OR10R2: variants seen among roughly 807,000 people sequenced by gnomAD.
OR10R2 encodes the protein olfactory receptor 10R2.
In OR10R2, 1 loss-of-function variant was observed where a neutral mutation model predicts 2.4. The ratio of observed to expected loss-of-function variants is 0.41; its 90% CI spans 0.15 to 1.95. OR10R2 has a LOEUF of 1.95. Ranked by LOEUF, OR10R2 falls within the 30% of genes most tolerant of loss-of-function variation. The pLI, the probability that OR10R2 is intolerant of heterozygous loss-of-function variation, is 0.30. For missense variants in OR10R2, 419 were observed against 373.0 expected, an observed-to-expected ratio of 1.12 and a Z score of -1.01; for synonymous variants, 166 against 144.8, an observed-to-expected ratio of 1.15 and a Z score of -1.05.
Position 158,480,761 on chromosome 1 carries a change from CG to C in OR10R2, c.853del (p.Val285Ter). 1 of 1,613,268 alleles carries C rather than the reference CG, an allele frequency of 6.2e-7. No homozygotes were observed. Among genetic ancestry groups the C allele is most frequent in the Non-Finnish European group, 8.5e-7 (1 of 1,179,404 alleles). ...GTGTCCAACAAAGACAGGCTGGTGA[CG>C]GTGACATACACGATTGTCACTCCAT... On this transcript the variant is annotated frameshift_variant, in exon 2 of 2. Transcript: ENST00000641067. LOFTEE classifies it low-confidence loss of function (END_TRUNC).
chr1:158,480,708 C>T (rs1317478235), exon 2 of OR10R2: 4 of 1,613,004 alleles, frequency 2.5e-6, no homozygotes, highest in Non-Finnish European at 3.4e-6. Flanking sequence ...GTGCTTCCTT[C>T]ATCTACCTGA....
At chr1:158,473,920 CCTCCCTCCCT>C (rs1435124807) in intron 1 of OR10R2, among the ~76,000 whole-genome samples, 7 of 145,106 alleles carry the variant, frequency 4.8e-5, no homozygotes, top group Non-Finnish European at 9.0e-5. Flanking sequence ...TCCTTCCTTC[CCTCCCTCCCT>C]CTCCCTCCCT....
exon 2 of OR10R2, chr1:158,480,230 C>T (rs1321567685): frequency 6.2e-7 from 1 of 1,613,746 alleles, no homozygotes; most frequent in Non-Finnish European, 8.5e-7. Flanking sequence ...AACTGTTGTG[C>T]TCTTCAAATG....
exon 2 of OR10R2, chr1:158,480,293 G>C (rs865946724): frequency 6.2e-7 from 1 of 1,614,066 alleles, no homozygotes; most frequent in South Asian, 1.1e-5. Flanking sequence ...GGTGTGATGG[G>C]TTATGATCGC....
At position 158,479,934 on chromosome 1, in the gene OR10R2, G is replaced by T. The variant is rs757147673; in HGVS notation, c.28-4G>T. On this transcript the variant is annotated splice_polypyrimidine_tract_variant and splice_region_variant and intron_variant, in intron 1 of 1. Coordinates refer to ENST00000641067, the Ensembl canonical transcript of OR10R2. ...ATATGTTTTACTTCTTTCCCCCTTT[G>T]CAGATCTTGGCAGAAAACCTCACCA... The T allele has an allele frequency of 4.6e-5, 74 of 1,613,918 alleles. No homozygotes were observed. Among genetic ancestry groups the T allele is most frequent in the Admixed American group, 6.7e-5 (4 of 60,004 alleles).
At chr1:158,476,650 G>A (rs1255521866) in intron 1 of OR10R2, among the ~76,000 whole-genome samples, 2 of 151,882 alleles carry the variant, frequency 1.3e-5, no homozygotes, top group African/African-American at 2.4e-5. Context: ...TGTAAGATAC[G>A]TTTTAGTCTT....
intron 1 of OR10R2, among the ~76,000 whole-genome samples, chr1:158,475,215 C>T (rs1656248925): frequency 6.6e-6 from 1 of 152,054 alleles, no homozygotes; most frequent in Non-Finnish European, 1.5e-5. Flanking sequence ...AAAACAAGTA[C>T]TATTAGTTTG....
intron 1 of OR10R2, among the ~76,000 whole-genome samples, chr1:158,476,533 G>C (rs1280461564): frequency 6.5e-5 from 8 of 123,330 alleles, no homozygotes; most frequent in African/African-American, 1.3e-4. Context: ...GGGCGACAGA[G>C]TGAGACTCCA....
chr1:158,480,290 T>G, exon 2 of OR10R2: 1 of 1,614,152 alleles, frequency 6.2e-7, no homozygotes, highest in Non-Finnish European at 8.5e-7. Context: ...TTGGGTGTGA[T>G]GGGTTATGAT....
chr1:158,478,587 A>G (rs1002759434), intron 1 of OR10R2, among the ~76,000 whole-genome samples: 4 of 152,160 alleles, frequency 2.6e-5, no homozygotes, highest in African/African-American at 9.6e-5. Flanking sequence ...TTCAAACCCC[A>G]ATTTTCATTT....
exon 2 of OR10R2, chr1:158,480,496 C>G (rs1427308771): frequency 6.2e-7 from 1 of 1,613,546 alleles, no homozygotes; most frequent in South Asian, 1.1e-5. Context: ...AGTCATTCTT[C>G]TGGCTTGTAC....
At chr1:158,473,152 A>T (rs1356605441) in intron 1 of OR10R2, among the ~76,000 whole-genome samples, 1 of 152,160 alleles carries the variant, frequency 6.6e-6, no homozygotes, top group East Asian at 1.9e-4. Context: ...AGTTGCAATG[A>T]TTTATTTAGG....
intron 1 of OR10R2, among the ~76,000 whole-genome samples, chr1:158,473,035 G>A (rs75647345): frequency 0.035 from 5,303 of 152,256 alleles, 306 homozygotes; most frequent in African/African-American, 0.12. Flanking sequence ...AAATAAGAAT[G>A]TGAATTCCAT....
intron 1 of OR10R2, among the ~76,000 whole-genome samples, chr1:158,477,998 G>A (rs1170441364): frequency 6.6e-6 from 1 of 152,054 alleles, no homozygotes; most frequent in Non-Finnish European, 1.5e-5. Context: ...AAGAAAGCAA[G>A]CTGCACACCT....
exon 2 of OR10R2, chr1:158,480,933 C>A (rs1010621965): frequency 1.2e-6 from 1 of 867,996 alleles, no homozygotes; most frequent in Non-Finnish European, 1.7e-6. Context: ...CTTTTTATCA[C>A]AAGCATATTA....
At chr1:158,479,580 C>T (rs1656338148) in intron 1 of OR10R2, among the ~76,000 whole-genome samples, 1 of 152,010 alleles carries the variant, frequency 6.6e-6, no homozygotes, top group Admixed American at 6.6e-5. Flanking sequence ...ATCACCAGAA[C>T]CTGAGAATAT....
At chr1:158,480,410 C>T (rs1656369558) in exon 2 of OR10R2, 3 of 1,614,062 alleles carry the variant, frequency 1.9e-6, no homozygotes, top group South Asian at 2.2e-5. Flanking sequence ...GCCTCTCTTA[C>T]AGTAGTAAAT....
intron 1 of OR10R2, among the ~76,000 whole-genome samples, chr1:158,473,245 A>T (rs996526398): frequency 1.3e-5 from 2 of 152,128 alleles, no homozygotes; most frequent in African/African-American, 4.8e-5. Flanking sequence ...GGTTAGAGAG[A>T]TGTATATAAA....
intron 1 of OR10R2, among the ~76,000 whole-genome samples, chr1:158,478,049 A>G (rs1656304056): frequency 6.6e-6 from 1 of 152,184 alleles, no homozygotes; most frequent in African/African-American, 2.4e-5. Flanking sequence ...AGAGCAAACA[A>G]TGGAACAAGG....
Sources: gnomAD v4.1 joint callset for allele counts (sites outside exome capture counted in the v4.1 genomes callset) on GRCh38, gnomAD v4.1.1 for gene constraint, MANE v1.5 for transcripts, NCBI Gene and HGNC (gene_info 2026-07-23, HGNC 2026-07-21) for gene names.